PDLIM5: variants seen among roughly 807,000 people sequenced by gnomAD.
PDLIM5 encodes the protein PDZ and LIM domain 5, also known as PDZ and LIM domain protein 5.
In PDLIM5, 34 loss-of-function variants were observed where a neutral mutation model predicts 64.2. That is an observed-to-expected ratio of 0.53 (90% CI 0.40 to 0.71). PDLIM5 has a LOEUF of 0.71. Ranked by LOEUF, PDLIM5 falls within the 30% of genes least tolerant of loss-of-function variation. The pLI is 0.00. For synonymous variants in PDLIM5, 253 were observed against 269.1 expected (o/e 0.94, Z 0.59); for missense variants, 683 against 733.6 (o/e 0.93, Z 0.80).
chr4:94,655,655 A>G (rs1044543494), intron 10 of PDLIM5, among the ~76,000 whole-genome samples: 49 of 152,342 alleles, frequency 3.2e-4, no homozygotes, highest in African/African-American at 1.2e-3. Context: ...CCCAAATGAT[A>G]ACAAATAATT....
In PDLIM5 at chr4:94,665,740, T is replaced by C; in HGVS notation, c.*1673T>C. 8.2e-7 allele frequency: 1 copy of C among 1,219,374 alleles called. No homozygotes were observed. The highest frequency in any genetic ancestry group is 3.4e-5 in the South Asian group (1 of 29,472). The allele number at this position is 1,219,374 out of a possible 1,614,324, so 75.5% of individuals were successfully genotyped here. On this transcript the variant is annotated 3_prime_UTR_variant, in exon 13 of 13. Transcript: ENST00000317968. ...TTAAAAGATTGGTTTGAGGATGTGA[T>C]GAAATTGAGACTTTTTGTGGTTTTC...
chr4:94,593,036 C>T lies in PDLIM5; in HGVS notation c.920+6592C>T, dbSNP rs375363842. Among the ~76,000 whole-genome samples the T allele has an allele frequency of 1.3e-4, 20 of 152,280 alleles. 1 individual carries two copies. Among genetic ancestry groups the T allele is most frequent in the African/African-American group, 4.6e-4 (19 of 41,562 alleles). On this transcript the variant is annotated intron_variant, in intron 7 of 12. Coordinates refer to ENST00000317968, the MANE Select transcript of PDLIM5 (RefSeq NM_006457.5). ...CTTACATGCTACACAATTTTTACCT[C>T]TCATTTGACACTTGATTTTCTAATT...
At chr4:94,500,432 T>G (rs1480548231) in intron 2 of PDLIM5, among the ~76,000 whole-genome samples, 1 of 152,204 alleles carries the variant, frequency 6.6e-6, no homozygotes, top group Non-Finnish European at 1.5e-5. Flanking sequence ...AGGATTGATA[T>G]TCACAATATT....
intron 8 of PDLIM5, 47 bp downstream of exon 8, chr4:94,618,238 A>G: frequency 7.7e-7 from 1 of 1,300,166 alleles, no homozygotes; most frequent in Non-Finnish European, 1.1e-6. Flanking sequence ...AATGAGTTTC[A>G]TTATGAAAAT....
chr4:94,575,139 A>G (rs1354435450), intron 4 of PDLIM5, among the ~76,000 whole-genome samples: 1 of 152,122 alleles, frequency 6.6e-6, no homozygotes, highest in Admixed American at 6.6e-5. Flanking sequence ...GCGTGAAACA[A>G]ATGATTCCAC....
chr4:94,523,392 A>G (rs539875069), intron 2 of PDLIM5, among the ~76,000 whole-genome samples: 272 of 152,354 alleles, frequency 1.8e-3, no homozygotes, highest in African/African-American at 6.1e-3. Context: ...TTCTGCTAAA[A>G]TGTGAAGTTT....
chr4:94,635,465 A>T (rs2110443485), intron 8 of PDLIM5, among the ~76,000 whole-genome samples: 1 of 151,584 alleles, frequency 6.6e-6, no homozygotes, highest in East Asian at 1.9e-4. Flanking sequence ...ACTTAAAAGA[A>T]AAAAAAAACT....
At chr4:94,516,627 C>T (rs900486746) in intron 2 of PDLIM5, among the ~76,000 whole-genome samples, 4 of 151,928 alleles carry the variant, frequency 2.6e-5, no homozygotes, top group Admixed American at 6.6e-5. Flanking sequence ...GGGCTCAGGT[C>T]GTCCTCCTGC....
rs934459062 is a variant in PDLIM5, at chr4:94,555,913, A to T, written c.249-17438A>T. ...TATTTTTATTTTTATTTATATATAT[A>T]TTTTTATTATACTTTAAGTTCTAAG... is the stretch of plus-strand genomic sequence containing the variant. On this transcript the variant is annotated intron_variant, in intron 3 of 12. Transcript: ENST00000317968. Among the ~76,000 whole-genome samples the T allele has an allele frequency of 5.3e-5, 8 of 151,320 alleles. No individual in the cohort carries two copies. In the South Asian group the frequency reaches 8.3e-4, roughly 16 times the overall value.
intron 2 of PDLIM5, among the ~76,000 whole-genome samples, chr4:94,470,986 A>T (rs893418032): frequency 2.0e-5 from 3 of 152,144 alleles, no homozygotes; most frequent in Admixed American, 6.5e-5. Context: ...AAGAGAAGAG[A>T]TCATGTGCAG....
At chr4:94,476,454 G>C (rs1725329934) in intron 2 of PDLIM5, among the ~76,000 whole-genome samples, 1 of 151,986 alleles carries the variant, frequency 6.6e-6, no homozygotes, top group South Asian at 2.1e-4. Flanking sequence ...AGTTGAAACT[G>C]CATAGGAAAC....
intron 7 of PDLIM5, among the ~76,000 whole-genome samples, chr4:94,589,780 T>G (rs906121230): frequency 6.6e-6 from 1 of 151,838 alleles, no homozygotes; most frequent in African/African-American, 2.4e-5. Flanking sequence ...CTTTCTTTCC[T>G]TTTTTTAAAT....
rs560525235 is a variant in PDLIM5, at chr4:94,531,479, G to A, written c.248+7604G>A. Among the ~76,000 whole-genome samples, 44 of 152,202 alleles carry A rather than the reference G, an allele frequency of 2.9e-4. 1 individual carries two copies. The highest frequency in any genetic ancestry group is 2.1e-4 in the South Asian group (1 of 4,812). Reference sequence around the variant, plus strand: ...CACGTTGGAAGAGGAGTTGTTTTGGGCCACACATACAATATGCTAATACTA... The same window carrying A: ...CACGTTGGAAGAGGAGTTGTTTTGGACCACACATACAATATGCTAATACTA... On this transcript the variant is annotated intron_variant, in intron 3 of 12. Coordinates refer to ENST00000317968, the MANE Select transcript of PDLIM5 (RefSeq NM_006457.5).
At chr4:94,582,787 C>G in intron 5 of PDLIM5, 1 of 1,179,234 alleles carries the variant, frequency 8.5e-7, no homozygotes, top group Non-Finnish European at 1.2e-6. Flanking sequence ...TTCCTTCTTG[C>G]TTTCAATTTA....
At chr4:94,645,848 C>T (rs1417532280) in intron 9 of PDLIM5, among the ~76,000 whole-genome samples, 1 of 152,120 alleles carries the variant, frequency 6.6e-6, no homozygotes, top group African/African-American at 2.4e-5. Flanking sequence ...ATCAGAAAAA[C>T]ACCCTCAGTA....
chr4:94,456,079 G>GT, intron 2 of PDLIM5: 2 of 1,038,942 alleles, frequency 1.9e-6, no homozygotes, highest in Non-Finnish European at 2.6e-6. Context: ...GTCAGGTACT[G>GT]TTTCACTTTC....
chr4:94,502,323 A>G (rs2110084720), intron 2 of PDLIM5, among the ~76,000 whole-genome samples: 1 of 152,274 alleles, frequency 6.6e-6, no homozygotes, highest in South Asian at 2.1e-4. Context: ...AGATTGAGGG[A>G]TTCAACTGTT....
At chr4:94,500,649 T>A (rs1727829556) in intron 2 of PDLIM5, among the ~76,000 whole-genome samples, 1 of 152,192 alleles carries the variant, frequency 6.6e-6, no homozygotes, top group Non-Finnish European at 1.5e-5. Context: ...TACTTCTAAT[T>A]TTTAAAATAC....
intron 7 of PDLIM5, among the ~76,000 whole-genome samples, chr4:94,598,683 A>G (rs1737254074): frequency 6.6e-6 from 1 of 152,150 alleles, no homozygotes; most frequent in Non-Finnish European, 1.5e-5. Flanking sequence ...AACTTAGTCT[A>G]GTAGAGCAGA....
Sources: allele counts gnomAD v4.1 joint callset (sites outside exome capture counted in the v4.1 genomes callset), GRCh38; gene constraint gnomAD v4.1.1; transcripts MANE v1.5; gene names NCBI Gene and HGNC (gene_info 2026-07-23, HGNC 2026-07-21).